ANK2: variants seen among roughly 807,000 people sequenced by gnomAD.
ANK2 encodes ankyrin-2.
In ANK2, 83 loss-of-function variants were observed where a neutral mutation model predicts 360.5. That is an observed-to-expected ratio of 0.23 (90% CI 0.19 to 0.28). The LOEUF is 0.28. Among genes scored for constraint, ANK2 ranks in the 10% least tolerant of loss-of-function variants. The pLI, the probability that ANK2 is intolerant of heterozygous loss-of-function variation, is 1.00. For missense variants in ANK2, 4,201 were observed against 4,795.7 expected, an observed-to-expected ratio of 0.88 and a Z score of 3.66; for synonymous variants, 1,740 against 1,759.5, an observed-to-expected ratio of 0.99 and a Z score of 0.28.
intron 1 of ANK2, among the ~76,000 whole-genome samples, chr4:113,146,969 C>T (rs936855807): frequency 1.8e-4 from 28 of 152,154 alleles, no homozygotes; most frequent in African/African-American, 6.8e-4. Context: ...CTCTCTTTGG[C>T]TTTTACTCTG....
In ANK2 at chr4:113,213,960, T is replaced by A. The variant is rs966962575; in HGVS notation, c.384+14851T>A. The A allele has an allele frequency of 1.4e-4, 70 of 501,562 alleles. 4 individuals carry two copies. In the African/African-American group the frequency reaches 1.8e-3, roughly 13 times the overall value. 31.1% of individuals were successfully genotyped at this position (501,562 alleles called of 1,614,324 possible). On this transcript the variant is annotated intron_variant, in intron 4 of 45. Transcript: ENST00000357077. ...GACAAAATGCTGTTTTATTTATTTT[T>A]TTTTTTTATTTTTTTTTTAAGTACA... is the stretch of plus-strand genomic sequence containing the variant.
chr4:112,815,002 C>A (rs1374908033), upstream of ANK2, among the ~76,000 whole-genome samples: 6 of 125,186 alleles, frequency 4.8e-5, no homozygotes, highest in Admixed American at 4.8e-4. Context: ...AAACTAAATA[C>A]AAAAAGACAC....
the ANK2 span, among the ~76,000 whole-genome samples, chr4:112,786,345 A>C: frequency 1.1e-4 from 17 of 152,082 alleles, no homozygotes; most frequent in East Asian, 3.3e-3. Flanking sequence ...GTGTGAAAAA[A>C]GAAAAGATTT....
intron 1 of ANK2, among the ~76,000 whole-genome samples, chr4:112,836,291 T>C (rs954752475): frequency 2.0e-5 from 3 of 152,118 alleles, no homozygotes; most frequent in African/African-American, 7.2e-5. Flanking sequence ...TCTGCCATGA[T>C]TGTAAGTTTC....
chr4:112,984,276 T>TA (rs1425440686), intron 2 of ANK2, among the ~76,000 whole-genome samples: 1 of 152,198 alleles, frequency 6.6e-6, no homozygotes, highest in Non-Finnish European at 1.5e-5. Context: ...GATAAAGACA[T>TA]ACCTGAGACT....
chr4:112,784,191 T>G, the ANK2 span, among the ~76,000 whole-genome samples: 1 of 151,880 alleles, frequency 6.6e-6, no homozygotes, highest in Non-Finnish European at 1.5e-5. Flanking sequence ...CTATAAACAA[T>G]GGCAGTTAAT....
chr4:112,926,525 G>A (rs1428999543), intron 2 of ANK2, among the ~76,000 whole-genome samples: 1 of 152,184 alleles, frequency 6.6e-6, no homozygotes, highest in African/African-American at 2.4e-5. Flanking sequence ...ATCACTGGGT[G>A]TCTGTTCACT....
intron 2 of ANK2, among the ~76,000 whole-genome samples, chr4:113,038,694 T>C (rs746848659): frequency 9.9e-5 from 15 of 152,082 alleles, no homozygotes; most frequent in Non-Finnish European, 2.1e-4. Flanking sequence ...GAGCCCTTAA[T>C]TGGACAGGCA....
intron 1 of ANK2, among the ~76,000 whole-genome samples, chr4:113,137,398 T>C (rs2096472652): frequency 6.6e-6 from 1 of 152,140 alleles, no homozygotes; most frequent in Non-Finnish European, 1.5e-5. Flanking sequence ...GATTGTCAGC[T>C]TGGGCAGCAA....
chr4:113,356,505 C>T lies in ANK2; in HGVS notation c.7887C>T (p.Asp2629=). The change falls in exon 38 of 46, where the codon GAC becomes GAT. Residue 2629 remains aspartate, a synonymous_variant. Coordinates refer to ENST00000357077, the MANE Select transcript of ANK2 (RefSeq NM_001148.6). ...ESSSSSDPDA[D]CSVDVDEPKH... is the part of the protein sequence containing the mutation. ...CTTCATCTTCTGACCCAGATGCTGA[C>T]TGTTCAGTAGATGTGGATGAACCAA... 6.2e-7 allele frequency: 1 copy of T among 1,614,174 alleles called. No homozygotes were observed. The highest frequency in any genetic ancestry group is 1.3e-5 in the African/African-American group (1 of 75,054).
chr4:113,031,464 G>A lies in ANK2; in HGVS notation c.21+126950G>A, dbSNP rs181062603. ...GCTTATTAGTAAGCTGGGATGATCT[G>A]ACTCTAAACTTCTTCCTAAGGGATA... On this transcript the variant is annotated intron_variant, in intron 2 of 30. Coordinates refer to the ANK2 transcript ENST00000503271. 4 of 152,098 alleles carry A rather than the reference G, an allele frequency of 2.6e-5. No homozygotes were observed. In the East Asian group the frequency reaches 7.8e-4, roughly 30 times the overall value. 9.4% of individuals were successfully genotyped at this position (152,098 alleles called of 1,614,324 possible).
the ANK2 span, among the ~76,000 whole-genome samples, chr4:112,778,957 A>G: frequency 6.6e-6 from 1 of 152,186 alleles, no homozygotes; most frequent in Non-Finnish European, 1.5e-5. Context: ...TTCACATCAC[A>G]TTGGACCTCC....
the ANK2 span, among the ~76,000 whole-genome samples, chr4:112,754,111 GTATATATATATATATA>G: frequency 1.6e-4 from 18 of 111,446 alleles, 1 homozygote; most frequent in East Asian, 2.5e-4. Flanking sequence ...AAAAAAAAAA[GTATATATATATATATA>G]TATATATATA....
chr4:112,798,731 A>G, the ANK2 span: 34,351 of 152,106 alleles, frequency 0.23, 4,269 homozygotes, highest in East Asian at 0.53. Flanking sequence ...CTGGTGTAGC[A>G]CAAGGGTGTG....
At chr4:113,246,289 A>G (rs938250192) in intron 9 of ANK2, among the ~76,000 whole-genome samples, 6 of 152,156 alleles carry the variant, frequency 3.9e-5, no homozygotes, top group African/African-American at 1.4e-4. Context: ...AGATCTAGAG[A>G]GGCTTTCAGA....
intron 1 of ANK2, among the ~76,000 whole-genome samples, chr4:112,861,877 C>T (rs986825680): frequency 7.3e-5 from 6 of 81,680 alleles, no homozygotes; most frequent in African/African-American, 2.7e-4. Flanking sequence ...GAAACTCTCA[C>T]AGTTTATGCG....
intron 1 of ANK2, among the ~76,000 whole-genome samples, chr4:113,081,440 G>A (rs35099032): frequency 0.18 from 27,384 of 152,100 alleles, 3,038 homozygotes; most frequent in Admixed American, 0.32. Flanking sequence ...AATTAATCAC[G>A]AATTCAACTG....
At chr4:112,860,594 GA>G (rs1351472811) in intron 1 of ANK2, among the ~76,000 whole-genome samples, 1 of 152,064 alleles carries the variant, frequency 6.6e-6, no homozygotes, top group Non-Finnish European at 1.5e-5. Context: ...GAAGCAGTTG[GA>G]AAAAATAATT....
intron 9 of ANK2, 136 bp downstream of exon 9, chr4:113,242,345 C>G: frequency 1.3e-6 from 1 of 799,936 alleles, no homozygotes; most frequent in Non-Finnish European, 2.1e-6. Context: ...TGATTTAAAT[C>G]TCATACAACA....
Sources: gnomAD v4.1 joint callset for allele counts (sites outside exome capture counted in the v4.1 genomes callset) on GRCh38, gnomAD v4.1.1 for gene constraint, MANE v1.5 for transcripts, NCBI Gene and HGNC (gene_info 2026-07-23, HGNC 2026-07-21) for gene names.